The following PLD5 variants were observed in gnomAD, a reference collection of about 807,000 sequenced individuals.
PLD5 encodes the protein phospholipase D family member 5.
Under a neutral mutation model 61.1 loss-of-function variants are expected in PLD5, and 36 were observed. The ratio of observed to expected loss-of-function variants is 0.59; its 90% CI spans 0.45 to 0.78. The LOEUF is 0.78. Ranked by LOEUF, PLD5 falls within the 30% of genes least tolerant of loss-of-function variation. PLD5 has a pLI of 0.00. For synonymous variants in PLD5, 243 were observed against 242.8 expected, an observed-to-expected ratio of 1.00 and a Z score of -0.01; for missense variants, 515 against 644.4, an observed-to-expected ratio of 0.80 and a Z score of 2.17.
At chr1:242,232,984 G>A (rs770907253) in intron 4 of PLD5, among the ~76,000 whole-genome samples, 4 of 152,160 alleles carry the variant, frequency 2.6e-5, no homozygotes, top group South Asian at 2.1e-4. Context: ...GCAAAACCCC[G>A]TCTCTACAAA....
chr1:242,285,497 CA>C (rs1674971211), intron 3 of PLD5, among the ~76,000 whole-genome samples: 1 of 151,998 alleles, frequency 6.6e-6, no homozygotes, highest in East Asian at 1.9e-4. Context: ...AACTCTGTCT[CA>C]AAAAAATTAA....
chr1:242,426,589 C>A (rs1203377466), intron 1 of PLD5, among the ~76,000 whole-genome samples: 1 of 152,286 alleles, frequency 6.6e-6, no homozygotes, highest in South Asian at 2.1e-4. Flanking sequence ...TACGATCTTA[C>A]GGGACTGATA....
chr1:242,159,746 C>G (rs547490268), intron 5 of PLD5, among the ~76,000 whole-genome samples: 1 of 152,084 alleles, frequency 6.6e-6, no homozygotes, highest in African/African-American at 2.4e-5. Context: ...AGTAGTTTAC[C>G]GTGAAGAAAG....
chr1:242,247,128 C>G lies in PLD5; in HGVS notation c.607+18209G>C, dbSNP rs1034176304. 2.6e-5 allele frequency among the ~76,000 whole-genome samples: 4 copies of G among 152,076 alleles called. No homozygotes were observed. In the East Asian group the frequency reaches 7.8e-4, roughly 29 times the overall value. On this transcript the variant is annotated intron_variant, in intron 4 of 9. Transcript: ENST00000536534. ...CCTCCCGTGTAGCTGGGACTACAGG[C>G]GCCCGCCACCATGCCCGGCTAATTT...
chr1:242,241,910 T>TATATATATATATATAC (rs1210639780), intron 4 of PLD5, among the ~76,000 whole-genome samples: 8 of 50,398 alleles, frequency 1.6e-4, no homozygotes, highest in African/African-American at 2.4e-4. Context: ...TATATATATA[T>TATATATATATATATAC]ACTTACTGTA....
At chr1:242,409,727 A>G (rs898425531) in intron 1 of PLD5, among the ~76,000 whole-genome samples, 1 of 152,160 alleles carries the variant, frequency 6.6e-6, no homozygotes, top group African/African-American at 2.4e-5. Flanking sequence ...TTGACCAGGC[A>G]TGTCATTTAT....
Position 242,194,188 on chromosome 1 carries a change from T to A in PLD5, c.735+25800A>T, listed in dbSNP as rs148197073. Among the ~76,000 whole-genome samples the A allele has an allele frequency of 7.3e-3, 1,117 of 152,226 alleles. 5 individuals carry two copies. The highest frequency in any genetic ancestry group is 0.024 in the Middle Eastern group (7 of 294). On this transcript the variant is annotated intron_variant, in intron 5 of 9. Transcript: ENST00000536534. ...CCCTGGGAATGCCTCGTCCCAGACATCAGGCTTCTCATATTTCTGTTTTCT... is the reference window on the plus strand; with the variant it reads ...CCCTGGGAATGCCTCGTCCCAGACAACAGGCTTCTCATATTTCTGTTTTCT...
chr1:242,250,965 G>A (rs183347955), intron 4 of PLD5, among the ~76,000 whole-genome samples: 14 of 152,290 alleles, frequency 9.2e-5, no homozygotes, highest in African/African-American at 2.9e-4. Context: ...GTTGGAGGAG[G>A]AGAAGGAAAT....
chr1:242,128,353 G>T (rs1238470573), intron 5 of PLD5, among the ~76,000 whole-genome samples: 1 of 151,576 alleles, frequency 6.6e-6, no homozygotes, highest in Non-Finnish European at 1.5e-5. Context: ...TATCCACCTT[G>T]TTTCTCAGAA....
At chr1:242,500,858 GA>G (rs11302867) in intron 1 of PLD5, among the ~76,000 whole-genome samples, 12,136 of 152,162 alleles carry the variant, frequency 0.08, 1,211 homozygotes, top group African/African-American at 0.24. Flanking sequence ...CTATGCTTAG[GA>G]ATAACTAAAT....
intron 2 of PLD5, among the ~76,000 whole-genome samples, chr1:242,311,223 A>G (rs1574711006): frequency 6.6e-6 from 1 of 152,322 alleles, no homozygotes. Context: ...TTTGGTGTTC[A>G]GTTTTCTGAA....
At chr1:242,408,833 C>T (rs1366202639) in intron 1 of PLD5, among the ~76,000 whole-genome samples, 1 of 152,106 alleles carries the variant, frequency 6.6e-6, no homozygotes, top group East Asian at 1.9e-4. Context: ...CTTTAGGAGG[C>T]CGAGATGGGC....
chr1:242,426,487 T>A (rs1032488033), intron 1 of PLD5, among the ~76,000 whole-genome samples: 1 of 152,216 alleles, frequency 6.6e-6, no homozygotes, highest in African/African-American at 2.4e-5. Flanking sequence ...CAGTAGGTGA[T>A]ACACCTGTAT....
intron 5 of PLD5, among the ~76,000 whole-genome samples, chr1:242,159,629 G>T (rs1404284450): frequency 1.3e-5 from 2 of 152,078 alleles, no homozygotes; most frequent in African/African-American, 4.8e-5. Context: ...TAATCACTGG[G>T]TATATCTGTC....
intron 2 of PLD5, among the ~76,000 whole-genome samples, chr1:242,325,295 AGGGATCTAAATGATGGTGACT>A (rs1658676437): frequency 6.6e-6 from 1 of 151,298 alleles, no homozygotes; most frequent in Admixed American, 6.6e-5. Flanking sequence ...ACTGTAAAGC[AGGGATCTAAATGATGGTGACT>A]GGGCTGACTC....
intron 2 of PLD5, among the ~76,000 whole-genome samples, chr1:242,332,100 T>C (rs1020569794): frequency 1.3e-5 from 2 of 151,926 alleles, no homozygotes; most frequent in African/African-American, 2.4e-5. Flanking sequence ...TGTGTTCTCA[T>C]TGTTCAACTC....
chr1:242,093,473 C>T (rs1237796644), intron 9 of PLD5, among the ~76,000 whole-genome samples: 1 of 152,166 alleles, frequency 6.6e-6, no homozygotes, highest in Non-Finnish European at 1.5e-5. Flanking sequence ...TTTCTTCAAT[C>T]TTCACTGCCG....
chr1:242,143,857 T>C (rs1664352959), intron 5 of PLD5, among the ~76,000 whole-genome samples: 1 of 152,040 alleles, frequency 6.6e-6, no homozygotes, highest in East Asian at 1.9e-4. Context: ...TTCCTTTTTT[T>C]TTGAGTCAGA....
chr1:242,089,403 A>G lies in PLD5; in HGVS notation c.*451T>C. 7.5e-6 allele frequency: 3 copies of G among 397,376 alleles called. No homozygotes were observed. The highest frequency in any genetic ancestry group is 4.4e-5 in the Admixed American group (1 of 22,962). 24.6% of individuals were successfully genotyped at this position (397,376 alleles called of 1,614,324 possible). Reference sequence around the variant, plus strand: ...TTAGCTGACTGTGTAGGTCTTGGAGACGATTTACAAGAATAAACACTTGGT... The same window carrying G: ...TTAGCTGACTGTGTAGGTCTTGGAGGCGATTTACAAGAATAAACACTTGGT... On this transcript the variant is annotated 3_prime_UTR_variant, in exon 10 of 10. Transcript: ENST00000536534.
Sources: allele counts gnomAD v4.1 joint callset (sites outside exome capture counted in the v4.1 genomes callset), GRCh38; gene constraint gnomAD v4.1.1; transcripts MANE v1.5; gene names NCBI Gene and HGNC (gene_info 2026-07-23, HGNC 2026-07-21).